The following YAP1 variants were observed in gnomAD, a reference collection of about 807,000 sequenced individuals.
YAP1 encodes Yes1 associated transcriptional regulator.
A neutral mutation model predicts 56.9 loss-of-function variants in YAP1; 5 were observed. The observed-to-expected ratio is 0.09, with a 90% CI of 0.05 to 0.18. The LOEUF is 0.18. Among genes scored for constraint, YAP1 ranks in the 10% least tolerant of loss-of-function variants. The probability of loss-of-function intolerance (pLI) is 1.00; values close to 1 mark genes in which losing one functional copy is unlikely to be tolerated. For synonymous variants in YAP1, 265 were observed against 248.1 expected, an observed-to-expected ratio of 1.07 and a Z score of -0.64; for missense variants, 539 against 651.8, an observed-to-expected ratio of 0.83 and a Z score of 1.88.
Position 102,161,506 on chromosome 11 carries a change from C to T in YAP1, c.573-950C>T, listed in dbSNP as rs79653926. Reference sequence around the variant, plus strand: ...ACATTTTCAGCAGCTGCATACAGTCCATCATATATATCCATGTTTAACCAA... The same window carrying T: ...ACATTTTCAGCAGCTGCATACAGTCTATCATATATATCCATGTTTAACCAA... On this transcript the variant is annotated intron_variant, in intron 2 of 8. Transcript: ENST00000282441. 7.6e-4 allele frequency among the ~76,000 whole-genome samples: 116 copies of T among 151,970 alleles called. 1 individual carries two copies. In the East Asian group the frequency reaches 0.019, roughly 25 times the overall value.
intron 2 of YAP1, among the ~76,000 whole-genome samples, chr11:102,155,481 T>C (rs1157484493): frequency 1.3e-5 from 2 of 152,340 alleles, no homozygotes; most frequent in African/African-American, 4.8e-5. Flanking sequence ...GTTACCAAAC[T>C]TGTTAAAAGT....
intron 2 of YAP1, among the ~76,000 whole-genome samples, chr11:102,133,727 G>C (rs564513689): frequency 6.6e-6 from 1 of 152,332 alleles, no homozygotes; most frequent in African/African-American, 2.4e-5. Flanking sequence ...TTTCAACTCT[G>C]CTGTTTTGTA....
chr11:102,155,734 T>C (rs1945901296), intron 2 of YAP1, among the ~76,000 whole-genome samples: 2 of 152,208 alleles, frequency 1.3e-5, no homozygotes, highest in African/African-American at 4.8e-5. Context: ...AATAATATTT[T>C]GGGTGGCCGA....
At chr11:102,187,679 TA>T (rs1283094411) in intron 4 of YAP1, among the ~76,000 whole-genome samples, 1 of 152,168 alleles carries the variant, frequency 6.6e-6, no homozygotes, top group Non-Finnish European at 1.5e-5. Flanking sequence ...CAAAGCTTTT[TA>T]AAGAAAAAAA....
chr11:102,111,161 T>C lies in YAP1; in HGVS notation c.313T>C (p.Ser105Pro), dbSNP rs1391431049. 26 of 1,612,178 alleles carry C rather than the reference T, an allele frequency of 1.6e-5. No homozygotes were observed. The highest frequency in any genetic ancestry group is 3.3e-4 in the Middle Eastern group (2 of 6,082). ...CAAGCCGCCGGAGCCCAAATCCCAC[T>C]CCCGACAGGTAACCTCGTTGCCCCT... ...FFKPPEPKSH[S>P]RQASTDAGTA... The change falls in exon 1 of 9, where the codon TCC becomes CCC. Residue 105 changes from serine (S) to proline (P), a missense_variant. Physicochemically the swap from Ser to Pro is moderately conservative, Grantham distance 74 (BLOSUM62 -1). Transcript: ENST00000282441.
chr11:102,133,921 A>G (rs1452479325), intron 2 of YAP1, among the ~76,000 whole-genome samples: 1 of 152,192 alleles, frequency 6.6e-6, no homozygotes, highest in Non-Finnish European at 1.5e-5. Flanking sequence ...ATCTCCCTGC[A>G]TGCTCACACG....
chr11:102,172,198 AAAAAT>A (rs1461654114), intron 3 of YAP1, among the ~76,000 whole-genome samples: 1 of 151,788 alleles, frequency 6.6e-6, no homozygotes, highest in Non-Finnish European at 1.5e-5. Context: ...CTTCTCAAAA[AAAAAT>A]AAAAGAAAAA....
At chr11:102,146,934 G>A (rs905946643) in intron 2 of YAP1, among the ~76,000 whole-genome samples, 1 of 152,186 alleles carries the variant, frequency 6.6e-6, no homozygotes, top group African/African-American at 2.4e-5. Flanking sequence ...TCAAGGGCAT[G>A]ATTTGTTCTG....
chr11:102,124,984 C>T (rs544287046), intron 2 of YAP1, among the ~76,000 whole-genome samples: 5 of 151,884 alleles, frequency 3.3e-5, no homozygotes, highest in South Asian at 2.1e-4. Context: ...GTGATCTGCC[C>T]GTGTCCACCT....
At chr11:102,176,547 C>T (rs952921856) in intron 3 of YAP1, among the ~76,000 whole-genome samples, 8 of 151,740 alleles carry the variant, frequency 5.3e-5, no homozygotes, top group Middle Eastern at 3.4e-3. Flanking sequence ...GAGTTTGAGA[C>T]CAGCCTGGCC....
chr11:102,123,832 A>G (rs1371657778), intron 2 of YAP1, among the ~76,000 whole-genome samples: 1 of 151,134 alleles, frequency 6.6e-6, no homozygotes, highest in Non-Finnish European at 1.5e-5. Context: ...GTAGAGACGG[A>G]GTTTCACCGT....
intron 7 of YAP1, among the ~76,000 whole-genome samples, chr11:102,225,312 C>T (rs1565289018): frequency 6.6e-6 from 1 of 152,122 alleles, no homozygotes; most frequent in Non-Finnish European, 1.5e-5. Context: ...ATGGCGAAAC[C>T]CCATCTTTAC....
At chr11:102,212,579 ATTT>A (rs1331281095) in intron 6 of YAP1, among the ~76,000 whole-genome samples, 1 of 151,582 alleles carries the variant, frequency 6.6e-6, no homozygotes, top group African/African-American at 2.4e-5. Flanking sequence ...TTTTATTTTT[ATTT>A]TTATTTTTAT....
intron 2 of YAP1, among the ~76,000 whole-genome samples, chr11:102,144,875 CACAT>C (rs879531767): frequency 0.087 from 3,867 of 44,630 alleles, 58 homozygotes; most frequent in South Asian, 0.23. Context: ...CACACACACA[CACAT>C]ACACACACTC....
chr11:102,171,561 A>G (rs991056664), intron 3 of YAP1, among the ~76,000 whole-genome samples: 1 of 152,220 alleles, frequency 6.6e-6, no homozygotes, highest in Non-Finnish European at 1.5e-5. Flanking sequence ...ACAGAAAGCT[A>G]ATCTTTAATA....
chr11:102,196,151 A>G (rs1381333023), intron 4 of YAP1, among the ~76,000 whole-genome samples: 2 of 152,190 alleles, frequency 1.3e-5, no homozygotes, highest in African/African-American at 2.4e-5. Context: ...AACATTAACC[A>G]TAACATTCCC....
intron 4 of YAP1, among the ~76,000 whole-genome samples, chr11:102,199,435 C>A (rs558018167): frequency 6.6e-6 from 1 of 152,186 alleles, no homozygotes; most frequent in East Asian, 1.9e-4. Context: ...TTTTTCGTAT[C>A]CATTGCCCTA....
chr11:102,134,581 G>A (rs530533891), intron 2 of YAP1, among the ~76,000 whole-genome samples: 2 of 150,696 alleles, frequency 1.3e-5, no homozygotes, highest in Admixed American at 6.6e-5. Flanking sequence ...ATGGAAATAC[G>A]CTTCCAGGTT....
chr11:102,123,699 G>A (rs1943840451), intron 2 of YAP1, among the ~76,000 whole-genome samples: 1 of 148,936 alleles, frequency 6.7e-6, no homozygotes, highest in Non-Finnish European at 1.5e-5. Flanking sequence ...GAGTGCAGTG[G>A]CTCGATCTCG....
Sources: allele counts gnomAD v4.1 joint callset (sites outside exome capture counted in the v4.1 genomes callset), GRCh38; gene constraint gnomAD v4.1.1; transcripts MANE v1.5; gene names NCBI Gene and HGNC (gene_info 2026-07-23, HGNC 2026-07-21).